The following TAB2 variants were observed in gnomAD, a reference collection of about 807,000 sequenced individuals.
TAB2 encodes TGF-beta activated kinase 1 (MAP3K7) binding protein 2, also known as TGF-beta-activated kinase 1 and MAP3K7-binding protein 2.
A neutral mutation model predicts 65.0 loss-of-function variants in TAB2; 3 were observed. The observed-to-expected ratio is 0.05, with a 90% CI of 0.02 to 0.12. The LOEUF (loss-of-function observed/expected upper bound fraction) is 0.12. TAB2 is among the 10% of genes least tolerant of loss of function. The probability of loss-of-function intolerance (pLI) is 1.00; values close to 1 mark genes in which losing one functional copy is unlikely to be tolerated. For missense variants in TAB2, 623 were observed against 840.3 expected (o/e 0.74, Z 3.20); for synonymous variants, 298 against 285.1 (o/e 1.05, Z -0.46).
chr6:149,229,820 G>C (rs1265479527), intron 1 of TAB2: 2 of 152,194 alleles, frequency 1.3e-5, no homozygotes, highest in African/African-American at 4.8e-5. Flanking sequence ...GCCCTTGTAG[G>C]TTAAGTTTGC....
intron 1 of TAB2, among the ~76,000 whole-genome samples, chr6:149,237,277 A>T (rs1349303242): frequency 1.3e-5 from 2 of 152,158 alleles, no homozygotes; most frequent in South Asian, 2.1e-4. Flanking sequence ...TATTTTACTC[A>T]TCCCTACTTG....
chr6:149,248,579 GCA>G (rs1777789252), intron 1 of TAB2, among the ~76,000 whole-genome samples: 1 of 151,840 alleles, frequency 6.6e-6, no homozygotes, highest in African/African-American at 2.4e-5. Context: ...CCACTGGCCA[GCA>G]CACTCTTTCT....
chr6:149,236,920 G>GTCC (rs1777505784), intron 1 of TAB2, among the ~76,000 whole-genome samples: 1 of 152,198 alleles, frequency 6.6e-6, no homozygotes, highest in African/African-American at 2.4e-5. Flanking sequence ...GACTTTTGTT[G>GTCC]TAAGACTGAT....
At chr6:149,328,750 A>T (rs1300810351) in intron 1 of TAB2, among the ~76,000 whole-genome samples, 1 of 152,178 alleles carries the variant, frequency 6.6e-6, no homozygotes, top group Non-Finnish European at 1.5e-5. Context: ...ATACTGTGAC[A>T]AATGCTGTGA....
intron 1 of TAB2, among the ~76,000 whole-genome samples, chr6:149,333,711 G>GTTT (rs1257329940): frequency 9.5e-6 from 1 of 105,360 alleles, no homozygotes; most frequent in Non-Finnish European, 1.7e-5. Flanking sequence ...GATCCATAGT[G>GTTT]TGTGTGTGTG....
intron 1 of TAB2, chr6:149,347,287 G>A (rs2114794926): frequency 6.6e-6 from 1 of 152,266 alleles, no homozygotes; most frequent in South Asian, 2.1e-4. Flanking sequence ...GAAATTGTCA[G>A]CATTCATGGC....
At chr6:149,314,449 C>T (rs1779216358), upstream of TAB2, among the ~76,000 whole-genome samples, 1 of 152,226 alleles carries the variant, frequency 6.6e-6, no homozygotes, top group Admixed American at 6.5e-5. Flanking sequence ...AGTGCTCTCA[C>T]AGATATCGGT....
At chr6:149,361,742 A>G (rs947292218) in intron 1 of TAB2, among the ~76,000 whole-genome samples, 12 of 152,136 alleles carry the variant, frequency 7.9e-5, no homozygotes, top group African/African-American at 2.9e-4. Flanking sequence ...TCCCCTTTAA[A>G]TATAACTTCC....
At chr6:149,264,395 C>T (rs893988106) in intron 1 of TAB2, among the ~76,000 whole-genome samples, 2 of 152,170 alleles carry the variant, frequency 1.3e-5, no homozygotes, top group South Asian at 4.1e-4. Flanking sequence ...AAGACCTCCT[C>T]CCTCGGAGGC....
At chr6:149,355,912 C>A (rs1780639703) in intron 1 of TAB2, among the ~76,000 whole-genome samples, 1 of 152,014 alleles carries the variant, frequency 6.6e-6, no homozygotes, top group Non-Finnish European at 1.5e-5. Context: ...AATAAAGAAA[C>A]CTCCTTAACT....
In TAB2 at chr6:149,386,166, T is replaced by C. The variant is rs146128739; in HGVS notation, c.1603+6648T>C. ...TCTGTGAACACACGGGATTATATAA[T>C]ATGCACATACTCTACAATATGTCTG... is the stretch of plus-strand genomic sequence containing the variant. On this transcript the variant is annotated intron_variant, in intron 3 of 6. Coordinates refer to ENST00000637181, the MANE Select transcript of TAB2 (RefSeq NM_001292034.3). Among the ~76,000 whole-genome samples the C allele has an allele frequency of 3.9e-5, 6 of 152,330 alleles. No individual in the cohort carries two copies. The East Asian group carries it at 1.2e-3, about 29-fold the overall frequency.
intron 1 of TAB2, among the ~76,000 whole-genome samples, chr6:149,269,849 T>C (rs973929167): frequency 6.6e-6 from 1 of 152,210 alleles, no homozygotes; most frequent in African/African-American, 2.4e-5. Flanking sequence ...CCCAACTGAG[T>C]GACATTTGGT....
At chr6:149,353,333 T>TA (rs1367089700) in intron 1 of TAB2, among the ~76,000 whole-genome samples, 1 of 152,196 alleles carries the variant, frequency 6.6e-6, no homozygotes, top group African/African-American at 2.4e-5. Flanking sequence ...AGGAATATAA[T>TA]ACAGAATTCA....
intron 1 of TAB2, among the ~76,000 whole-genome samples, chr6:149,281,866 A>G (rs1669848025): frequency 6.6e-6 from 1 of 152,182 alleles, no homozygotes; most frequent in Non-Finnish European, 1.5e-5. Flanking sequence ...TACACTTTAT[A>G]TATAAAGACA....
chr6:149,344,032 T>A (rs942448169), intron 1 of TAB2, among the ~76,000 whole-genome samples: 7 of 152,174 alleles, frequency 4.6e-5, no homozygotes, highest in Admixed American at 1.3e-4. Flanking sequence ...GCAGTATTAA[T>A]GCATAATGAA....
intron 3 of TAB2, among the ~76,000 whole-genome samples, chr6:149,394,014 T>C (rs1437835342): frequency 6.6e-6 from 1 of 152,144 alleles, no homozygotes. Context: ...TGTTGGAAAA[T>C]TTTTGGTCTT....
chr6:149,364,654 TG>T (rs1416844933), intron 1 of TAB2, among the ~76,000 whole-genome samples: 1 of 150,716 alleles, frequency 6.6e-6, no homozygotes, highest in East Asian at 1.9e-4. Flanking sequence ...ATTCAATGTG[TG>T]GTTGGTAGAT....
At chr6:149,280,104 T>C (rs1778545809) in intron 1 of TAB2, among the ~76,000 whole-genome samples, 1 of 152,232 alleles carries the variant, frequency 6.6e-6, no homozygotes, top group African/African-American at 2.4e-5. Flanking sequence ...GTACCTGTAG[T>C]AATCAGAGTG....
At chr6:149,346,288 C>T (rs1395609278) in intron 1 of TAB2, among the ~76,000 whole-genome samples, 6 of 152,098 alleles carry the variant, frequency 3.9e-5, no homozygotes, top group African/African-American at 1.2e-4. Context: ...ACACACACCC[C>T]TCTCCCTTAG....
Sources: gnomAD v4.1 joint callset for allele counts (sites outside exome capture counted in the v4.1 genomes callset) on GRCh38, gnomAD v4.1.1 for gene constraint, MANE v1.5 for transcripts, NCBI Gene and HGNC (gene_info 2026-07-23, HGNC 2026-07-21) for gene names.